Variants in LHCGR observed in about 807,000 individuals in gnomAD.
LHCGR encodes the protein lutropin-choriogonadotropic hormone receptor.
In LHCGR, 55 loss-of-function variants were observed where a neutral mutation model predicts 60.7. The ratio of observed to expected loss-of-function variants is 0.91; its 90% CI spans 0.73 to 1.13. The LOEUF (loss-of-function observed/expected upper bound fraction) is 1.13. Among genes scored for constraint, LHCGR ranks in the 50% most tolerant of loss-of-function variants. The probability of loss-of-function intolerance (pLI) is 0.00; values close to 1 mark genes in which losing one functional copy is unlikely to be tolerated. For synonymous variants in LHCGR, 337 were observed against 316.5 expected (o/e 1.06, Z -0.69); for missense variants, 862 against 836.0 (o/e 1.03, Z -0.38).
At chr2:48,723,796 A>C in intron 4 of LHCGR, 100 bp from the exon 5 acceptor site, 1 of 875,736 alleles carries the variant, frequency 1.1e-6, no homozygotes, top group Non-Finnish European at 1.9e-6. Flanking sequence ...CATTTTGCAA[A>C]TACAACTTTC....
In LHCGR at chr2:48,748,277, G is replaced by A. The variant is rs538382681; in HGVS notation, c.161+7234C>T. Among the ~76,000 whole-genome samples, 11 of 152,248 alleles carry A rather than the reference G, an allele frequency of 7.2e-5. No homozygotes were observed. The East Asian group carries it at 1.2e-3, about 16-fold the overall frequency. Reference sequence around the variant, plus strand: ...CATGCTATCTTGTACATTTCAGTACGTATTTCCTGAGTGGCCAACAAGTCT... The same window carrying A: ...CATGCTATCTTGTACATTTCAGTACATATTTCCTGAGTGGCCAACAAGTCT... On this transcript the variant is annotated intron_variant, in intron 1 of 10. Transcript: ENST00000294954.
At position 48,688,422 on chromosome 2, in the gene LHCGR, C is replaced by T. The variant is rs200275286; in HGVS notation, c.1375G>A (p.Val459Ile). Residue 459 changes from valine (V) to isoleucine (I), a missense_variant, in exon 11 of 11, where the codon GTC becomes ATC. Val to Ile is a conservative substitution (Grantham distance 29). Transcript: ENST00000294954. This position sits in a 1 kb window ranked among gnomAD's most constrained non-coding sequence, Gnocchi z 5.2. The part of the protein sequence containing the change: ...ASELSVYTLT[V>I]ITLERWHTIT... ...GTGTGCCATCTTTCTAGAGTGATGACGGTGAGGGTGTAGACAGAAAGTTCA... is the reference window on the plus strand; with the variant it reads ...GTGTGCCATCTTTCTAGAGTGATGATGGTGAGGGTGTAGACAGAAAGTTCA... 32 of 1,614,000 alleles carry T rather than the reference C, an allele frequency of 2.0e-5. No homozygotes were observed. The highest frequency in any genetic ancestry group is 1.6e-4 in the Middle Eastern group (1 of 6,084).
At position 48,708,136 on chromosome 2, in the gene LHCGR, C is replaced by T. The variant is rs188986348; in HGVS notation, c.680+812G>A. Among the ~76,000 whole-genome samples the T allele has an allele frequency of 1.2e-3, 190 of 152,330 alleles. 1 individual carries two copies. Among genetic ancestry groups the T allele is most frequent in the Non-Finnish European group, 2.3e-3 (157 of 68,026 alleles). Reference sequence around the variant, plus strand: ...TCTCGCTGAGAGCTGCAGACTGGATCTGTTCCTATTCGGCCGTCTTGGAAA... The same window carrying T: ...TCTCGCTGAGAGCTGCAGACTGGATTTGTTCCTATTCGGCCGTCTTGGAAA... On this transcript the variant is annotated intron_variant, in intron 8 of 10. Coordinates refer to ENST00000294954, the MANE Select transcript of LHCGR (RefSeq NM_000233.4).
At chr2:48,751,114 TG>T (rs1209070540) in intron 1 of LHCGR, among the ~76,000 whole-genome samples, 1 of 151,152 alleles carries the variant, frequency 6.6e-6, no homozygotes, top group African/African-American at 2.4e-5. Flanking sequence ...GGAGGTGGAG[TG>T]GGGGTGGGGC....
chr2:48,722,398 A>G (rs1005061896), intron 6 of LHCGR, among the ~76,000 whole-genome samples: 2 of 152,198 alleles, frequency 1.3e-5, no homozygotes, highest in Non-Finnish European at 2.9e-5. Context: ...ACTAGAGGAT[A>G]TGGTTTAGAT....
In LHCGR at chr2:48,729,771, C is replaced by T. The variant is rs555753983; in HGVS notation, c.234-544G>A. On this transcript the variant is annotated intron_variant, in intron 2 of 10. Transcript: ENST00000294954. ...GTGGTCAACTCCTGCACATGGTATCCATCCTGAATTACAATTACCTACTTC... is the reference window on the plus strand; with the variant it reads ...GTGGTCAACTCCTGCACATGGTATCTATCCTGAATTACAATTACCTACTTC... 4.6e-5 allele frequency among the ~76,000 whole-genome samples: 7 copies of T among 152,262 alleles called. No individual in the cohort carries two copies. The East Asian group carries it at 1.4e-3, about 29-fold the overall frequency.
intron 8 of LHCGR, among the ~76,000 whole-genome samples, chr2:48,702,263 C>CT (rs35628117): frequency 0.12 from 17,401 of 145,274 alleles, 1,122 homozygotes; most frequent in African/African-American, 0.18. Flanking sequence ...TCTCATGTAT[C>CT]TTTTTTTTTT....
intron 10 of LHCGR, among the ~76,000 whole-genome samples, chr2:48,693,884 T>C (rs1042390974): frequency 2.7e-4 from 41 of 152,316 alleles, no homozygotes; most frequent in African/African-American, 9.6e-4. Context: ...ATGTTGACCA[T>C]GTGACTAGGG....
intron 1 of LHCGR, among the ~76,000 whole-genome samples, chr2:48,754,442 T>A (rs1021518587): frequency 6.6e-6 from 1 of 152,164 alleles, no homozygotes; most frequent in African/African-American, 2.4e-5. Context: ...TTGTCTTTTG[T>A]CTTTTTTTCC....
At chr2:48,697,246 A>G (rs1403389237) in intron 9 of LHCGR, among the ~76,000 whole-genome samples, 21 of 152,294 alleles carry the variant, frequency 1.4e-4, no homozygotes, top group Non-Finnish European at 8.8e-5. Flanking sequence ...CCTGTTCTTC[A>G]AGACTCAGCA....
At chr2:48,699,461 G>T (rs1173369231) in intron 8 of LHCGR, among the ~76,000 whole-genome samples, 1 of 151,582 alleles carries the variant, frequency 6.6e-6, no homozygotes, top group Non-Finnish European at 1.5e-5. Flanking sequence ...ATAACCACTT[G>T]CTTTATGCGA....
At chr2:48,692,651 G>A (rs974806951) in intron 10 of LHCGR, among the ~76,000 whole-genome samples, 2 of 152,142 alleles carry the variant, frequency 1.3e-5, no homozygotes, top group Admixed American at 1.3e-4. Context: ...CGCTGCTCCA[G>A]TCACAAGAAA....
At chr2:48,704,780 TTTC>T (rs1176295344) in intron 8 of LHCGR, among the ~76,000 whole-genome samples, 1 of 152,196 alleles carries the variant, frequency 6.6e-6, no homozygotes, top group Non-Finnish European at 1.5e-5. Context: ...TCTTCTCTCT[TTTC>T]TTCTTTATTA....
At chr2:48,725,617 G>A (rs142588282) in intron 4 of LHCGR, 59 bp downstream of exon 4, 1 of 1,182,676 alleles carries the variant, frequency 8.5e-7, no homozygotes, top group African/African-American at 1.5e-5. Flanking sequence ...TCCTTGTTTT[G>A]ATTTTCATCA....
intron 1 of LHCGR, among the ~76,000 whole-genome samples, chr2:48,739,815 A>C (rs1411740296): frequency 6.6e-6 from 1 of 151,958 alleles, no homozygotes; most frequent in Non-Finnish European, 1.5e-5. Context: ...AGTATAATTA[A>C]AAAAAAAGGT....
intron 1 of LHCGR, among the ~76,000 whole-genome samples, chr2:48,750,526 T>C (rs1669913074): frequency 6.6e-6 from 1 of 152,194 alleles, no homozygotes; most frequent in Non-Finnish European, 1.5e-5. Flanking sequence ...ATAACACAAA[T>C]AACTCCCTTC....
At chr2:48,723,263 G>A (rs764841655) in intron 6 of LHCGR, among the ~76,000 whole-genome samples, 193 bp downstream of exon 6, 52 of 152,262 alleles carry the variant, frequency 3.4e-4, no homozygotes, top group Admixed American at 2.0e-3. Context: ...TGAATTGGTT[G>A]GTTGGTTGTC....
chr2:48,699,445 A>G (rs1180109325), intron 8 of LHCGR, among the ~76,000 whole-genome samples: 1 of 152,026 alleles, frequency 6.6e-6, no homozygotes, highest in Non-Finnish European at 1.5e-5. Context: ...ACTTAGCAGA[A>G]GTGAAATAAC....
chr2:48,743,527 G>A (rs1344959857), intron 1 of LHCGR, among the ~76,000 whole-genome samples: 1 of 152,196 alleles, frequency 6.6e-6, no homozygotes, highest in Non-Finnish European at 1.5e-5. Flanking sequence ...TGGGATGCAA[G>A]GCTGGTTCAA....
Sources: allele counts gnomAD v4.1 joint callset (sites outside exome capture counted in the v4.1 genomes callset), GRCh38; gene constraint gnomAD v4.1.1; non-coding constraint Gnocchi (gnomAD v3.1); transcripts MANE v1.5; gene names NCBI Gene and HGNC (gene_info 2026-07-23, HGNC 2026-07-21).